The following TCF12 variants were observed in gnomAD, a reference collection of about 807,000 sequenced individuals.
TCF12 encodes the protein transcription factor 12.
A neutral mutation model predicts 86.0 loss-of-function variants in TCF12; 45 were observed. That is an observed-to-expected ratio of 0.52 (90% CI 0.41 to 0.67). The LOEUF (loss-of-function observed/expected upper bound fraction) is 0.67, where lower values mean the gene tolerates loss of function less well. TCF12 is among the 30% of genes least tolerant of loss of function. The probability of loss-of-function intolerance (pLI) is 0.00; values close to 1 mark genes in which losing one functional copy is unlikely to be tolerated. For synonymous variants in TCF12, 330 were observed against 299.6 expected (o/e 1.10, Z -1.05); for missense variants, 881 against 859.9 (o/e 1.02, Z -0.31).
intron 3 of TCF12, 90 bp downstream of exon 3, chr15:56,921,188 T>C: frequency 1.2e-6 from 1 of 855,866 alleles, no homozygotes; most frequent in Non-Finnish European, 1.7e-6. Flanking sequence ...TAAATATTAT[T>C]GAATATATGT....
chr15:56,961,868 C>T (rs1020185891), intron 3 of TCF12, among the ~76,000 whole-genome samples: 2 of 151,952 alleles, frequency 1.3e-5, no homozygotes, highest in South Asian at 2.1e-4. Context: ...ATGGGCCGGG[C>T]GCGGTGGCTC....
At chr15:57,234,003 C>A (rs1436730202) in intron 11 of TCF12, 40 bp from the exon 12 acceptor site, 1 of 1,546,392 alleles carries the variant, frequency 6.5e-7, no homozygotes. Flanking sequence ...ATAATACTTG[C>A]TTGTAAAATT....
chr15:57,243,444 A>T, intron 12 of TCF12, 28 bp from the exon 13 acceptor site: 1 of 1,580,838 alleles, frequency 6.3e-7, no homozygotes. Context: ...ACATGTTGAT[A>T]CATGTATATT....
intron 3 of TCF12, among the ~76,000 whole-genome samples, chr15:57,052,001 G>A (rs1486293161): frequency 6.6e-6 from 1 of 152,106 alleles, no homozygotes; most frequent in Non-Finnish European, 1.5e-5. Context: ...TGTTTTTAAT[G>A]GCATGACTTT....
intron 3 of TCF12, among the ~76,000 whole-genome samples, chr15:56,940,011 T>C (rs2060659969): frequency 6.8e-6 from 1 of 146,910 alleles, no homozygotes; most frequent in Non-Finnish European, 1.5e-5. Flanking sequence ...TATAGCACTT[T>C]TGGTCTTTAG....
intron 8 of TCF12, among the ~76,000 whole-genome samples, chr15:57,205,400 A>G (rs1163829126): frequency 6.6e-6 from 1 of 152,262 alleles, no homozygotes; most frequent in Non-Finnish European, 1.5e-5. Context: ...ATAAAGTACC[A>G]GCTTTTGCTG....
chr15:57,197,833 CCTAT>C lies in TCF12; in HGVS notation c.579+11_579+14del, dbSNP rs777712890. On this transcript the variant is annotated intron_variant, in intron 8 of 20. Transcript: ENST00000333725. ...CCTGGTTTGCCTTCTTCTGTAAGTA[CCTAT>C]CTTTTTTTAACTTGATGGTAAACAA... 12 of 1,613,462 alleles carry C rather than the reference CCTAT, an allele frequency of 7.4e-6. No homozygotes were observed. The highest frequency in any genetic ancestry group is 1.0e-5 in the Non-Finnish European group (12 of 1,179,794).
chr15:56,978,804 C>T (rs1047761106), intron 3 of TCF12, among the ~76,000 whole-genome samples: 1 of 152,040 alleles, frequency 6.6e-6, no homozygotes, highest in Admixed American at 6.6e-5. Flanking sequence ...ATTCAGCAGG[C>T]CCAACTAAAA....
rs574109505 is a variant in TCF12 at position 57,210,813 on chromosome 15, A to G, written c.579+12988A>G. 2.6e-5 allele frequency among the ~76,000 whole-genome samples: 4 copies of G among 152,272 alleles called. No homozygotes were observed. The South Asian group carries it at 8.3e-4, about 32-fold the overall frequency. On this transcript the variant is annotated intron_variant, in intron 8 of 20. Transcript: ENST00000333725. Reference sequence around the variant, plus strand: ...CTTTACTCCCTTACTTTATCCTGTAAACTTTCCAACCTACATACTCACTAC... The same window carrying G: ...CTTTACTCCCTTACTTTATCCTGTAGACTTTCCAACCTACATACTCACTAC...
At chr15:57,206,890 A>G (rs2057843709) in intron 8 of TCF12, among the ~76,000 whole-genome samples, 1 of 149,986 alleles carries the variant, frequency 6.7e-6, no homozygotes, top group African/African-American at 2.4e-5. Flanking sequence ...TAGAAGTTCA[A>G]GACCAGCCTA....
chr15:57,075,786 C>CTT (rs1379998165), intron 4 of TCF12, among the ~76,000 whole-genome samples: 1 of 56,310 alleles, frequency 1.8e-5, no homozygotes, highest in African/African-American at 7.1e-5. Context: ...TTCTTTCTTT[C>CTT]TTTCTTTCTT....
rs1567371148 is a variant in TCF12, at chr15:57,075,830, C to CT, written c.222+12008dup. Among the ~76,000 whole-genome samples the CT allele has an allele frequency of 2.2e-4, 11 of 50,340 alleles. 2 individuals carry two copies. Among genetic ancestry groups the CT allele is most frequent in the East Asian group, 1.8e-3 (2 of 1,116 alleles). The allele number at this position is 50,340 out of a possible 152,430, so 33.0% of individuals were successfully genotyped here. A position where few individuals can be genotyped will look rare whatever the true frequency, so the allele number is the denominator to read the frequency against. ...TCTCTCTCTCTCTCTCTCTCTCTCT[C>CT]TCTCTTTTCTTTCTTTCTTTCTTTC... On this transcript the variant is annotated intron_variant, in intron 4 of 20. Coordinates refer to ENST00000333725, the MANE Select transcript of TCF12 (RefSeq NM_207037.2).
chr15:56,942,033 G>T (rs1443064452), intron 3 of TCF12, among the ~76,000 whole-genome samples: 2 of 152,022 alleles, frequency 1.3e-5, no homozygotes, highest in African/African-American at 2.4e-5. Context: ...TGGTAGAGTT[G>T]GTTTTGTTTT....
At chr15:57,010,722 A>C (rs2064778208) in intron 3 of TCF12, among the ~76,000 whole-genome samples, 1 of 152,246 alleles carries the variant, frequency 6.6e-6, no homozygotes, top group South Asian at 2.1e-4. Context: ...ACTGAAGTTC[A>C]TGGATAGTTT....
intron 8 of TCF12, among the ~76,000 whole-genome samples, chr15:57,225,640 A>G (rs1449180529): frequency 2.0e-5 from 3 of 152,196 alleles, no homozygotes; most frequent in Non-Finnish European, 4.4e-5. Context: ...AAAAATATAT[A>G]GGAAATGGTT....
intron 3 of TCF12, among the ~76,000 whole-genome samples, chr15:56,946,225 A>T (rs1394720527): frequency 2.0e-5 from 3 of 152,148 alleles, no homozygotes; most frequent in Admixed American, 6.5e-5. Flanking sequence ...CTAGGACTTC[A>T]ATTACACATA....
intron 18 of TCF12, among the ~76,000 whole-genome samples, chr15:57,264,974 C>A (rs1286235924): frequency 6.6e-6 from 1 of 151,998 alleles, no homozygotes; most frequent in East Asian, 1.9e-4. Context: ...CAGTGATCTG[C>A]CCACCTCGGC....
At chr15:57,127,951 A>G (rs577529913) in intron 5 of TCF12, among the ~76,000 whole-genome samples, 1 of 152,318 alleles carries the variant, frequency 6.6e-6, no homozygotes, top group Non-Finnish European at 1.5e-5. Context: ...GAACAATTTT[A>G]TGAGCTTACC....
chr15:56,984,026 G>GAAT (rs1303406944), intron 3 of TCF12, among the ~76,000 whole-genome samples: 3 of 63,438 alleles, frequency 4.7e-5, no homozygotes, highest in South Asian at 6.2e-4. Flanking sequence ...AGAAGAAGAA[G>GAAT]AATTTTGGAT....
Sources: allele counts gnomAD v4.1 joint callset (sites outside exome capture counted in the v4.1 genomes callset), GRCh38; gene constraint gnomAD v4.1.1; transcripts MANE v1.5; gene names NCBI Gene and HGNC (gene_info 2026-07-23, HGNC 2026-07-21).